The following HEG1 variants were observed in gnomAD, a reference collection of about 807,000 sequenced individuals.
HEG1 encodes the protein heart development protein with EGF like domains 1.
HEG1 carries 56 observed loss-of-function variants against 125.6 expected under a neutral mutation model. The observed-to-expected ratio is 0.45, with a 90% CI of 0.36 to 0.56. The LOEUF (loss-of-function observed/expected upper bound fraction) is 0.56, where lower values mean the gene tolerates loss of function less well. Ranked by LOEUF, HEG1 falls within the 20% of genes least tolerant of loss-of-function variation. HEG1 has a pLI of 0.00. For synonymous variants in HEG1, 644 were observed against 668.5 expected (o/e 0.96, Z 0.57); for missense variants, 1,523 against 1,670.0 (o/e 0.91, Z 1.53).
chr3:124,976,562 G>T (rs542605671), intron 15 of HEG1, among the ~76,000 whole-genome samples: 53 of 151,384 alleles, frequency 3.5e-4, no homozygotes, highest in African/African-American at 1.2e-3. Context: ...GTTTCGATTT[G>T]CATTTCCTAG....
chr3:125,051,884 G>A (rs1377662575), intron 1 of HEG1, among the ~76,000 whole-genome samples: 5 of 152,154 alleles, frequency 3.3e-5, no homozygotes, highest in African/African-American at 1.2e-4. Context: ...CGGGGCTGCT[G>A]GAAGGCAGGA....
intron 11 of HEG1, among the ~76,000 whole-genome samples, chr3:125,001,293 T>C (rs1457416958): frequency 1.3e-5 from 2 of 152,232 alleles, no homozygotes; most frequent in East Asian, 3.9e-4. Flanking sequence ...TGGTTGTTTA[T>C]TCTGTTTTTT....
chr3:125,052,138 C>A (rs1937825494), intron 1 of HEG1, among the ~76,000 whole-genome samples: 1 of 150,726 alleles, frequency 6.6e-6, no homozygotes, highest in African/African-American at 2.4e-5. Flanking sequence ...CCCCTCCCGC[C>A]TCCCCCCCTT....
At chr3:125,050,504 C>G (rs373510159) in intron 1 of HEG1, among the ~76,000 whole-genome samples, 1 of 152,314 alleles carries the variant, frequency 6.6e-6, no homozygotes, top group East Asian at 1.9e-4. Context: ...ATCAACTCCC[C>G]CCTTTCCCAC....
Position 125,011,552 on chromosome 3 carries a change from G to A in HEG1, c.2957-997C>T, listed in dbSNP as rs551802005. Among the ~76,000 whole-genome samples, 21 of 152,300 alleles carry A rather than the reference G, an allele frequency of 1.4e-4. No individual in the cohort carries two copies. In the South Asian group the frequency reaches 3.9e-3, roughly 29 times the overall value. On this transcript the variant is annotated intron_variant, in intron 6 of 16. Transcript: ENST00000311127. Reference sequence around the variant, plus strand: ...TGAAGGCTATAGGCCTTGAAGCAAGGCTCCCAAACTTCCCTGGAGAAACAG... The same window carrying A: ...TGAAGGCTATAGGCCTTGAAGCAAGACTCCCAAACTTCCCTGGAGAAACAG...
intron 1 of HEG1, among the ~76,000 whole-genome samples, chr3:125,034,706 G>A (rs1937535831): frequency 1.3e-5 from 2 of 152,126 alleles, no homozygotes; most frequent in South Asian, 2.1e-4. Flanking sequence ...AGGCTGAGGT[G>A]GAAGGATTGC....
At chr3:125,042,287 G>A (rs528403057) in intron 1 of HEG1, among the ~76,000 whole-genome samples, 1 of 152,278 alleles carries the variant, frequency 6.6e-6, no homozygotes, top group Admixed American at 6.5e-5. Context: ...AATTAGCCAG[G>A]CATGGTGGCA....
chr3:125,005,698 G>A (rs1937061556), intron 8 of HEG1, among the ~76,000 whole-genome samples: 1 of 152,150 alleles, frequency 6.6e-6, no homozygotes, highest in Non-Finnish European at 1.5e-5. Flanking sequence ...AGATGCCCAA[G>A]AAAGCTGCTA....
intron 14 of HEG1, among the ~76,000 whole-genome samples, chr3:124,982,675 T>C (rs537529095): frequency 6.6e-6 from 1 of 152,308 alleles, no homozygotes; most frequent in Non-Finnish European, 1.5e-5. Context: ...TTTGTTTATG[T>C]TTATATGCTT....
At chr3:125,000,774 TG>T (rs1157264437) in intron 11 of HEG1, among the ~76,000 whole-genome samples, 3 of 152,170 alleles carry the variant, frequency 2.0e-5, no homozygotes, top group African/African-American at 7.2e-5. Flanking sequence ...GTCAATGTCA[TG>T]GATCTACCAG....
chr3:124,980,892 T>C (rs1182860235), intron 14 of HEG1, among the ~76,000 whole-genome samples: 5 of 151,702 alleles, frequency 3.3e-5, no homozygotes, highest in African/African-American at 1.2e-4. Context: ...TCTCACTATG[T>C]TGCCCACACT....
At chr3:124,971,531 C>A (rs545889172) in intron 16 of HEG1, among the ~76,000 whole-genome samples, 2 of 151,046 alleles carry the variant, frequency 1.3e-5, no homozygotes, top group Non-Finnish European at 2.9e-5. Flanking sequence ...CTCACTCTGT[C>A]GCCAGGCCGG....
At chr3:125,050,144 T>C (rs865955996) in intron 1 of HEG1, among the ~76,000 whole-genome samples, 975 of 31,698 alleles carry the variant, frequency 0.031, 7 homozygotes, top group African/African-American at 0.078. Context: ...CCAACTCTCT[T>C]TTTTTTTTTT....
intron 3 of HEG1, 63 bp from the exon 4 acceptor site, chr3:125,021,193 C>T (rs1304328598): frequency 2.4e-5 from 30 of 1,257,606 alleles, no homozygotes; most frequent in African/African-American, 3.0e-5. Flanking sequence ...GGACTATATT[C>T]GAGATACAAA....
At chr3:125,029,004 C>T (rs1393838807) in intron 2 of HEG1, among the ~76,000 whole-genome samples, 191 bp downstream of exon 2, 2 of 152,214 alleles carry the variant, frequency 1.3e-5, no homozygotes, top group African/African-American at 4.8e-5. Flanking sequence ...ACCAGCAAAT[C>T]TGCACCCTTG....
At chr3:125,014,520 G>T (rs771611532) in intron 5 of HEG1, among the ~76,000 whole-genome samples, 4 of 152,254 alleles carry the variant, frequency 2.6e-5, no homozygotes, top group Non-Finnish European at 5.9e-5. Context: ...GTGAGTGTGT[G>T]TGGAGGGCTG....
rs368891146 is a variant in HEG1 at position 125,010,306 on chromosome 3, A to G, written c.3073+133T>C. On this transcript the variant is annotated intron_variant, in intron 7 of 16. Transcript: ENST00000311127. ...CTCCTGCAGATCACAACCTACAAAC[A>G]TGCTGACTCTCAAGTAAGCAGGGTA... The G allele has an allele frequency of 8.3e-5, 50 of 598,972 alleles. 1 individual carries two copies. The highest frequency in any genetic ancestry group is 7.6e-4 in the East Asian group (27 of 35,542). The allele number at this position is 598,972 out of a possible 1,614,324, so 37.1% of individuals were successfully genotyped here.
intron 1 of HEG1, among the ~76,000 whole-genome samples, chr3:125,042,508 A>T (rs911421803): frequency 2.0e-5 from 3 of 152,252 alleles, no homozygotes; most frequent in Non-Finnish European, 4.4e-5. Context: ...TACACGGATG[A>T]ATCAGGTATA....
rs750964958 is a variant in HEG1 at position 125,019,287 on chromosome 3, T to G, written c.1563A>C (p.Ser521=). 6.2e-7 allele frequency: 1 copy of G among 1,611,618 alleles called. No homozygotes were observed. The highest frequency in any genetic ancestry group is 1.1e-5 in the South Asian group (1 of 91,060). The part of the protein sequence containing the change: ...SSTSSSESLN[S]SAPRGERSIA... ...TCGAACGTTCTCCACGTGGTGCTGATGAATTCAAGCTTTCCGAGGAAGATG... is the reference window on the plus strand; with the variant it reads ...TCGAACGTTCTCCACGTGGTGCTGAGGAATTCAAGCTTTCCGAGGAAGATG... Residue 521 remains serine (S), a synonymous_variant, in exon 5 of 17, where the codon TCA becomes TCC. Coordinates refer to ENST00000311127, the MANE Select transcript of HEG1 (RefSeq NM_020733.2).
Sources: allele counts gnomAD v4.1 joint callset (sites outside exome capture counted in the v4.1 genomes callset), GRCh38; gene constraint gnomAD v4.1.1; transcripts MANE v1.5; gene names NCBI Gene and HGNC (gene_info 2026-07-23, HGNC 2026-07-21).